Variants in ZFHX3 observed in about 807,000 individuals in gnomAD.
ZFHX3 encodes zinc finger homeobox protein 3.
Under a neutral mutation model 279.1 loss-of-function variants are expected in ZFHX3, and 42 were observed. The observed-to-expected ratio is 0.15, with a 90% confidence interval of 0.12 to 0.19. The LOEUF (loss-of-function observed/expected upper bound fraction) is 0.19. Among genes scored for constraint, ZFHX3 ranks in the 10% least tolerant of loss-of-function variants. ZFHX3 has a pLI of 1.00. For synonymous variants in ZFHX3, 2,293 were observed against 1,957.8 expected (o/e 1.17, Z -4.52); for missense variants, 4,981 against 4,754.0 (o/e 1.05, Z -1.40).
intron 3 of ZFHX3, among the ~76,000 whole-genome samples, chr16:73,411,352 G>A (rs2017462559): frequency 6.6e-6 from 1 of 152,216 alleles, no homozygotes; most frequent in Non-Finnish European, 1.5e-5. Flanking sequence ...CCTGCCCTTT[G>A]AAATATGCAC....
At chr16:73,099,917 G>A (rs1336171418) in intron 7 of ZFHX3, among the ~76,000 whole-genome samples, 1 of 152,052 alleles carries the variant, frequency 6.6e-6, no homozygotes, top group Non-Finnish European at 1.5e-5. Flanking sequence ...GCTACCTGGG[G>A]CCTTCTCAGT....
At chr16:73,702,311 G>A (rs1459947615) in intron 1 of ZFHX3, among the ~76,000 whole-genome samples, 1 of 152,024 alleles carries the variant, frequency 6.6e-6, no homozygotes, top group Non-Finnish European at 1.5e-5. Context: ...GCTGCCTGGG[G>A]GCTGCAGGTG....
At chr16:73,447,392 C>G (rs1249878056) in intron 3 of ZFHX3, among the ~76,000 whole-genome samples, 1 of 152,050 alleles carries the variant, frequency 6.6e-6, no homozygotes, top group Non-Finnish European at 1.5e-5. Context: ...TAACCATACC[C>G]TGAATCCCAG....
intron 1 of ZFHX3, among the ~76,000 whole-genome samples, chr16:73,029,535 C>T (rs1434457582): frequency 5.3e-5 from 8 of 152,140 alleles, no homozygotes; most frequent in Admixed American, 1.3e-4. Context: ...TGTTGGACGA[C>T]GGAAGGAATT....
intron 2 of ZFHX3, among the ~76,000 whole-genome samples, chr16:73,530,796 T>A (rs1386023419): frequency 6.6e-6 from 1 of 152,178 alleles, no homozygotes; most frequent in South Asian, 2.1e-4. Flanking sequence ...TATATTACAA[T>A]CTTTATGAGG....
intron 1 of ZFHX3, among the ~76,000 whole-genome samples, chr16:73,849,424 C>T (rs953864498): frequency 2.0e-5 from 3 of 152,204 alleles, no homozygotes; most frequent in East Asian, 1.9e-4. Flanking sequence ...AGTTCTCTCC[C>T]GCTTTGCATA....
At chr16:73,106,494 A>G (rs1966306528) in intron 7 of ZFHX3, among the ~76,000 whole-genome samples, 2 of 152,288 alleles carry the variant, frequency 1.3e-5, no homozygotes, top group South Asian at 4.1e-4. Flanking sequence ...CCAAGCAGTC[A>G]GATGGCTTCA....
chr16:73,203,893 T>C (rs2011695054), intron 5 of ZFHX3, among the ~76,000 whole-genome samples: 1 of 152,208 alleles, frequency 6.6e-6, no homozygotes, highest in South Asian at 2.1e-4. Flanking sequence ...AGTTTCAGAC[T>C]GGTATATGAA....
intron 1 of ZFHX3, among the ~76,000 whole-genome samples, chr16:72,983,792 T>C (rs1962726295): frequency 6.6e-6 from 1 of 152,042 alleles, no homozygotes; most frequent in Admixed American, 6.5e-5. Context: ...ACACCATTCC[T>C]ACCATCTGTC....
intron 3 of ZFHX3, among the ~76,000 whole-genome samples, chr16:73,335,969 T>A (rs1005849936): frequency 1.3e-5 from 2 of 152,230 alleles, no homozygotes; most frequent in Admixed American, 1.3e-4. Flanking sequence ...ACAGATTCTT[T>A]TTCTTCTAGT....
At chr16:73,475,198 A>T (rs1436719518) in intron 2 of ZFHX3, among the ~76,000 whole-genome samples, 1 of 152,238 alleles carries the variant, frequency 6.6e-6, no homozygotes, top group African/African-American at 2.4e-5. Flanking sequence ...GGAATAATCA[A>T]AATTACGTAA....
intron 1 of ZFHX3, among the ~76,000 whole-genome samples, chr16:73,022,402 CAAG>C (rs1452962210): frequency 1.3e-5 from 2 of 152,100 alleles, no homozygotes; most frequent in African/African-American, 2.4e-5. Context: ...GTCAGCAGAA[CAAG>C]AAGAATACGG....
chr16:73,583,942 C>G (rs1353482766), intron 2 of ZFHX3, among the ~76,000 whole-genome samples: 1 of 152,028 alleles, frequency 6.6e-6, no homozygotes, highest in East Asian at 1.9e-4. Flanking sequence ...AAATTACTCA[C>G]TATGAAACAT....
At chr16:73,623,028 G>A (rs1330866412) in intron 2 of ZFHX3, among the ~76,000 whole-genome samples, 1 of 125,520 alleles carries the variant, frequency 8.0e-6, no homozygotes, top group African/African-American at 2.8e-5. Context: ...AAATTCAGAA[G>A]GGCACATTGT....
intron 2 of ZFHX3, among the ~76,000 whole-genome samples, chr16:73,643,757 A>G (rs1409140828): frequency 6.6e-6 from 1 of 152,112 alleles, no homozygotes; most frequent in Non-Finnish European, 1.5e-5. Context: ...TCCCCACCGT[A>G]TCTCTTCAGC....
intron 2 of ZFHX3, among the ~76,000 whole-genome samples, chr16:73,525,969 T>C (rs1196650211): frequency 2.0e-5 from 3 of 152,126 alleles, no homozygotes; most frequent in Admixed American, 6.5e-5. Flanking sequence ...ACAAAGCTTT[T>C]AACTTTGTAC....
chr16:73,487,160 A>G (rs2018989929), intron 2 of ZFHX3, among the ~76,000 whole-genome samples: 1 of 152,238 alleles, frequency 6.6e-6, no homozygotes. Flanking sequence ...GCAAAAGACT[A>G]TCAATAGGGA....
chr16:72,986,191 C>G (rs1456090605), intron 1 of ZFHX3, among the ~76,000 whole-genome samples: 1 of 152,062 alleles, frequency 6.6e-6, no homozygotes, highest in Non-Finnish European at 1.5e-5. Flanking sequence ...AACAGACTGT[C>G]CTTCTCCACC....
At position 73,196,671 on chromosome 16, in the gene ZFHX3, T is replaced by G. The variant is rs554747559; in HGVS notation, c.-1103-52840A>C. ...ATCCCATGTAGCTATGGAATGAAAA[T>G]GTGCCATATTTGAATGACTGGTCTG... On this transcript the variant is annotated intron_variant, in intron 5 of 17. Transcript: ENST00000641206. 2.6e-5 allele frequency among the ~76,000 whole-genome samples: 4 copies of G among 152,094 alleles called. No individual in the cohort carries two copies. In the East Asian group the frequency reaches 7.7e-4, roughly 29 times the overall value.
Sources: allele counts gnomAD v4.1 joint callset (sites outside exome capture counted in the v4.1 genomes callset), GRCh38; gene constraint gnomAD v4.1.1; transcripts MANE v1.5; gene names NCBI Gene and HGNC (gene_info 2026-07-23, HGNC 2026-07-21).